The following ZNF618 variants were observed in gnomAD, a reference collection of about 807,000 sequenced individuals.
The protein encoded by ZNF618 is neural precursor cell expressed, developmentally down-regulated 10.
Under a neutral mutation model 103.0 loss-of-function variants are expected in ZNF618, and 34 were observed. The observed-to-expected ratio is 0.33, with a 90% CI of 0.25 to 0.44. The LOEUF (loss-of-function observed/expected upper bound fraction) is 0.44. ZNF618 is among the 20% of genes least tolerant of loss of function. The pLI is 1.00. For missense variants in ZNF618, 1,059 were observed against 1,295.4 expected (o/e 0.82, Z 2.80); for synonymous variants, 551 against 542.2 (o/e 1.02, Z -0.23).
chr9:113,949,769 G>A (rs1344184439), intron 1 of ZNF618, among the ~76,000 whole-genome samples: 3 of 152,222 alleles, frequency 2.0e-5, no homozygotes, highest in African/African-American at 7.2e-5. Flanking sequence ...ATAATAGTGC[G>A]AAGCCTCCAA....
At position 113,983,616 on chromosome 9, in the gene ZNF618, G is replaced by A. The variant is rs143966227; in HGVS notation, c.78-4705G>A. Among the ~76,000 whole-genome samples, 54 of 152,280 alleles carry A rather than the reference G, an allele frequency of 3.5e-4. No individual in the cohort carries two copies. In the East Asian group the frequency reaches 0.01, roughly 28 times the overall value. On this transcript the variant is annotated intron_variant, in intron 2 of 14. Coordinates refer to ENST00000374126, the MANE Select transcript of ZNF618 (RefSeq NM_001318042.2). ...TGATTTGTTTGGGGTGGGAGATGTG[G>A]GTACAAGAACTAGGGAGAGGCTGCC...
At chr9:114,039,832 T>A (rs1232680574) in intron 13 of ZNF618, among the ~76,000 whole-genome samples, 2 of 152,206 alleles carry the variant, frequency 1.3e-5, no homozygotes, top group African/African-American at 2.4e-5. Context: ...TGCCTCTTTT[T>A]CCATCCCTGT....
At chr9:113,899,818 A>G (rs1201777229) in intron 1 of ZNF618, among the ~76,000 whole-genome samples, 1 of 152,114 alleles carries the variant, frequency 6.6e-6, no homozygotes, top group African/African-American at 2.4e-5. Context: ...CCTCTTTGTT[A>G]AGGGTTGAAT....
intron 13 of ZNF618, among the ~76,000 whole-genome samples, chr9:114,038,012 C>T (rs1426975191): frequency 6.6e-6 from 1 of 152,212 alleles, no homozygotes; most frequent in Non-Finnish European, 1.5e-5. Flanking sequence ...TTCCCGCCCC[C>T]TGCTTTCCTT....
At chr9:113,878,273 T>C (rs942477885) in intron 1 of ZNF618, among the ~76,000 whole-genome samples, 2 of 152,132 alleles carry the variant, frequency 1.3e-5, no homozygotes, top group Non-Finnish European at 2.9e-5. Flanking sequence ...TTCTGATTCT[T>C]ATCCATCTTC....
intron 2 of ZNF618, among the ~76,000 whole-genome samples, chr9:113,988,021 G>C (rs1280601987): frequency 6.6e-6 from 1 of 152,314 alleles, no homozygotes; most frequent in East Asian, 1.9e-4. Context: ...ACAAATAAGT[G>C]GCAAGTGAGG....
At position 114,032,297 on chromosome 9, in the gene ZNF618, A is replaced by C. The variant is rs530450539; in HGVS notation, c.1085-348A>C. On this transcript the variant is annotated intron_variant, in intron 11 of 14. Coordinates refer to ENST00000374126, the MANE Select transcript of ZNF618 (RefSeq NM_001318042.2). ...ACAGGGAGTGGTGGGCGGTAGATCCAATGATTTGCTGTCACGGTTGTGGCT... is the reference window on the plus strand; with the variant it reads ...ACAGGGAGTGGTGGGCGGTAGATCCCATGATTTGCTGTCACGGTTGTGGCT... Among the ~76,000 whole-genome samples, 353 of 152,318 alleles carry C rather than the reference A, an allele frequency of 2.3e-3. 2 individuals are homozygous for C. Among genetic ancestry groups the C allele is most frequent in the Non-Finnish European group, 3.7e-3 (255 of 68,020 alleles).
chr9:113,979,504 T>G lies in ZNF618; in HGVS notation c.78-8817T>G, dbSNP rs143620369. Among the ~76,000 whole-genome samples, 1,322 of 152,338 alleles carry G rather than the reference T, an allele frequency of 8.7e-3. 10 individuals are homozygous for G. Among genetic ancestry groups the G allele is most frequent in the South Asian group, 0.031 (152 of 4,826 alleles). ...GCTTCTGTGAAACATCCCTAACCTA[T>G]GTTATAATAAAGGCCAGATGAATGA... On this transcript the variant is annotated intron_variant, in intron 2 of 14. Coordinates refer to ENST00000374126, the MANE Select transcript of ZNF618 (RefSeq NM_001318042.2).
At chr9:114,002,788 C>G (rs1841370535) in intron 6 of ZNF618, 126 bp downstream of exon 6, 4 of 1,037,116 alleles carry the variant, frequency 3.9e-6, no homozygotes, top group Non-Finnish European at 5.6e-6. Context: ...TGCTGGGGTC[C>G]AAGCTTGGGG....
chr9:113,978,438 GCAAGCGCAGAGC>G (rs1838685258), intron 2 of ZNF618, among the ~76,000 whole-genome samples: 2 of 152,232 alleles, frequency 1.3e-5, no homozygotes, highest in African/African-American at 4.8e-5. Context: ...GAGGCAGGTG[GCAAGCGCAGAGC>G]CCAGGCGCCT....
intron 9 of ZNF618, among the ~76,000 whole-genome samples, chr9:114,015,109 C>G (rs534577477): frequency 6.6e-6 from 1 of 151,400 alleles, no homozygotes; most frequent in South Asian, 2.1e-4. Context: ...TGAATCCTAC[C>G]GAGAGCAAGT....
At chr9:113,994,319 G>A (rs1006780958) in intron 3 of ZNF618, among the ~76,000 whole-genome samples, 2 of 152,196 alleles carry the variant, frequency 1.3e-5, no homozygotes, top group African/African-American at 2.4e-5. Context: ...CTGATAGTTC[G>A]TTTCCTGTTT....
intron 6 of ZNF618, among the ~76,000 whole-genome samples, chr9:114,003,669 G>A (rs978331763): frequency 2.0e-5 from 3 of 152,174 alleles, no homozygotes; most frequent in Admixed American, 6.5e-5. Flanking sequence ...AATTATTGCC[G>A]GTAGAAGTCA....
intron 1 of ZNF618, among the ~76,000 whole-genome samples, chr9:113,943,983 C>T (rs879795132): frequency 1.3e-5 from 2 of 152,196 alleles, no homozygotes; most frequent in Non-Finnish European, 2.9e-5. Context: ...AATGCCTTTT[C>T]CTTCCTTACT....
intron 3 of ZNF618, among the ~76,000 whole-genome samples, chr9:113,995,972 T>C (rs1422573693): frequency 6.6e-6 from 1 of 152,170 alleles, no homozygotes; most frequent in African/African-American, 2.4e-5. Context: ...TGCCAGATTC[T>C]CTGGCACATT....
At chr9:113,973,868 G>A (rs1006366897) in intron 2 of ZNF618, among the ~76,000 whole-genome samples, 3 of 152,198 alleles carry the variant, frequency 2.0e-5, no homozygotes, top group African/African-American at 7.2e-5. Context: ...AGGAAATCTG[G>A]GGTAGAAGAG....
intron 1 of ZNF618, among the ~76,000 whole-genome samples, chr9:113,913,042 G>C (rs778120587): frequency 4.6e-5 from 7 of 152,096 alleles, no homozygotes; most frequent in Non-Finnish European, 1.0e-4. Flanking sequence ...AGGGGCAGCT[G>C]TCAGGGCAAG....
chr9:114,048,694 G>T lies in ZNF618; in HGVS notation c.1392G>T (p.Lys464Asn). The T allele has an allele frequency of 6.2e-7, 1 of 1,613,886 alleles. No individual in the cohort carries two copies. Among genetic ancestry groups the T allele is most frequent in the Non-Finnish European group, 8.5e-7 (1 of 1,179,782 alleles). Residue 464 changes from lysine to asparagine, a missense_variant, in exon 15 of 15, where the codon AAG becomes AAT. Transcript: ENST00000374126. ...CACCCAACAGCATGATCCCCGAAAA[G>T]GAGCGGCAGAACATCGCAGAGCGGC... is the stretch of plus-strand genomic sequence containing the variant. Reference protein sequence around the residue: ...GLTPNSMIPEKERQNIAERLL... With the variant: ...GLTPNSMIPENERQNIAERLL...
chr9:113,902,854 G>C (rs1485335738), intron 1 of ZNF618, among the ~76,000 whole-genome samples: 1 of 152,012 alleles, frequency 6.6e-6, no homozygotes, highest in African/African-American at 2.4e-5. Flanking sequence ...TGTGGTGTAG[G>C]GCTGCTGGTG....
Sources: allele counts gnomAD v4.1 joint callset (sites outside exome capture counted in the v4.1 genomes callset), GRCh38; gene constraint gnomAD v4.1.1; transcripts MANE v1.5; gene names NCBI Gene and HGNC (gene_info 2026-07-23, HGNC 2026-07-21).